Variants in SSX2IP observed in about 807,000 individuals in gnomAD.
SSX2IP encodes SSX family member 2 interacting protein, also known as afadin- and alpha-actinin-binding protein.
SSX2IP carries 55 observed loss-of-function variants against 84.9 expected under a neutral mutation model. The ratio of observed to expected loss-of-function variants is 0.65; its 90% confidence interval spans 0.52 to 0.81. The LOEUF is 0.81. Ranked by LOEUF, SSX2IP falls within the 30% of genes least tolerant of loss-of-function variation. SSX2IP has a pLI of 0.00. For missense variants in SSX2IP, 664 were observed against 705.2 expected (o/e 0.94, Z 0.66); for synonymous variants, 239 against 234.7 (o/e 1.02, Z -0.17).
chr1:84,671,612 T>C (rs567573259), intron 1 of SSX2IP, among the ~76,000 whole-genome samples: 1 of 152,316 alleles, frequency 6.6e-6, no homozygotes, highest in Non-Finnish European at 1.5e-5. Context: ...GTAATATTTC[T>C]ATATTATATC....
Position 84,669,813 on chromosome 1 carries a change from A to G in SSX2IP, c.294T>C (p.Ala98=), listed in dbSNP as rs1160294877. The change falls in exon 4 of 14, where the codon GCT becomes GCC. Residue 98 remains alanine (A), a synonymous_variant. Coordinates refer to ENST00000342203, the MANE Select transcript of SSX2IP (RefSeq NM_001166293.2). ...KETKRELNIV[A]VLNCMNELLV... ...GCAGCTCATTCATACAATTTAGTAC[A>G]GCTACTATATTTAACTCTCTCTTTG... 1 of 1,613,384 alleles carries G rather than the reference A, an allele frequency of 6.2e-7. No homozygotes were observed.
chr1:84,653,681 G>A (rs899939232), intron 11 of SSX2IP, among the ~76,000 whole-genome samples: 1 of 152,120 alleles, frequency 6.6e-6, no homozygotes, highest in Non-Finnish European at 1.5e-5. Flanking sequence ...GTGAACTGAG[G>A]AAATCCACGT....
At chr1:84,657,287 A>G (rs940481869) in intron 9 of SSX2IP, among the ~76,000 whole-genome samples, 1 of 152,160 alleles carries the variant, frequency 6.6e-6, no homozygotes, top group Non-Finnish European at 1.5e-5. Context: ...GGTAATATTC[A>G]ATTTTTAAAA....
rs1649389174 is a variant in SSX2IP, at chr1:84,645,714, A to G, written c.*1719T>C. 1 of 152,182 alleles carries G rather than the reference A, an allele frequency of 6.6e-6. No individual in the cohort carries two copies. The highest frequency in any genetic ancestry group is 1.5e-5 in the Non-Finnish European group (1 of 68,032). 9.4% of individuals were successfully genotyped at this position (152,182 alleles called of 1,614,324 possible). The stretch of plus-strand genomic sequence containing the variant: ...CCATGTTATTGCTAAATAGCAAAAC[A>G]AACAAAAACAAAAACAACAAAAATC... On this transcript the variant is annotated 3_prime_UTR_variant, in exon 14 of 14. Transcript: ENST00000342203.
intron 1 of SSX2IP, among the ~76,000 whole-genome samples, chr1:84,672,881 C>T (rs1653789887): frequency 6.6e-6 from 1 of 152,070 alleles, no homozygotes; most frequent in Non-Finnish European, 1.5e-5. Flanking sequence ...CAAAACTTAG[C>T]CGGCGTGGTG....
intron 1 of SSX2IP, among the ~76,000 whole-genome samples, chr1:84,682,280 A>C (rs147582577): frequency 4.3e-4 from 65 of 152,250 alleles, no homozygotes; most frequent in African/African-American, 1.5e-3. Flanking sequence ...GTACTGAGAG[A>C]GCGCTGGACT....
intron 8 of SSX2IP, among the ~76,000 whole-genome samples, chr1:84,659,796 C>A (rs1274559145): frequency 9.5e-4 from 122 of 128,588 alleles, no homozygotes; most frequent in African/African-American, 1.2e-3. Context: ...GACTCCATCT[C>A]AAAAAAAAAA....
At chr1:84,688,483 G>T (rs1291003658) in intron 1 of SSX2IP, among the ~76,000 whole-genome samples, 2 of 152,138 alleles carry the variant, frequency 1.3e-5, no homozygotes, top group African/African-American at 4.8e-5. Flanking sequence ...TTTGGGGGCG[G>T]TGTCTTTTCA....
In SSX2IP at chr1:84,658,627, G is replaced by GA. The variant is rs766371919; in HGVS notation, c.928-160dup. Reference sequence around the variant, plus strand: ...ATGGCCCAGTATTTAAATGTCTTGAGAAAAAAAATGAGACTCCTAAATTCA... The same window carrying GA: ...ATGGCCCAGTATTTAAATGTCTTGAGAAAAAAAAATGAGACTCCTAAATTCA... On this transcript the variant is annotated intron_variant, in intron 8 of 13. Transcript: ENST00000342203. Among the ~76,000 whole-genome samples the GA allele has an allele frequency of 1.1e-4, 16 of 151,912 alleles. No individual in the cohort carries two copies. In the East Asian group the frequency reaches 1.4e-3, roughly 13 times the overall value.
intron 5 of SSX2IP, among the ~76,000 whole-genome samples, chr1:84,665,841 C>T (rs1311257966): frequency 6.6e-6 from 1 of 152,144 alleles, no homozygotes; most frequent in Non-Finnish European, 1.5e-5. Context: ...GAAAAAGTGA[C>T]AGTGAACATG....
At chr1:84,665,575 G>T (rs546532474) in intron 5 of SSX2IP, among the ~76,000 whole-genome samples, 1 of 152,200 alleles carries the variant, frequency 6.6e-6, no homozygotes, top group Admixed American at 6.5e-5. Context: ...TAGTGCTATA[G>T]GTCCAAGTAA....
At chr1:84,660,994 G>A (rs1166796368) in intron 8 of SSX2IP, among the ~76,000 whole-genome samples, 2 of 150,422 alleles carry the variant, frequency 1.3e-5, no homozygotes, top group African/African-American at 4.9e-5. Context: ...TTGAACTCGG[G>A]AGGCAGAGGT....
chr1:84,676,482 G>C (rs1654348505), intron 1 of SSX2IP, among the ~76,000 whole-genome samples: 1 of 152,136 alleles, frequency 6.6e-6, no homozygotes, highest in Non-Finnish European at 1.5e-5. Flanking sequence ...GGGTTGCAAA[G>C]TACCAATGCC....
At chr1:84,671,610 T>A (rs1653592562) in intron 1 of SSX2IP, among the ~76,000 whole-genome samples, 1 of 152,198 alleles carries the variant, frequency 6.6e-6, no homozygotes, top group African/African-American at 2.4e-5. Context: ...AAGTAATATT[T>A]CTATATTATA....
At chr1:84,672,153 A>G (rs1653667780) in intron 1 of SSX2IP, among the ~76,000 whole-genome samples, 1 of 152,170 alleles carries the variant, frequency 6.6e-6, no homozygotes, top group Non-Finnish European at 1.5e-5. Flanking sequence ...ATATTTCTCC[A>G]TCATAAGAAA....
chr1:84,650,289 G>A (rs1439362234), intron 13 of SSX2IP, 73 bp downstream of exon 13: 15 of 1,452,068 alleles, frequency 1.0e-5, no homozygotes, highest in East Asian at 2.3e-5. Context: ...CTACAGACAT[G>A]CCACCTTTCC....
Position 84,690,438 on chromosome 1 carries a change from G to T in SSX2IP, c.-157C>A, listed in dbSNP as rs1656470775. 1 of 151,604 alleles carries T rather than the reference G, an allele frequency of 6.6e-6. No individual in the cohort carries two copies. 9.4% of individuals were successfully genotyped at this position (151,604 alleles called of 1,614,324 possible). On this transcript the variant is annotated 5_prime_UTR_variant, in exon 1 of 14. Transcript: ENST00000342203. ...CCTAGCCCGGCTCCCGCAGCCCGAG[G>T]GCCAGCAGCGCCTCGCAGCGCCTCC...
Position 84,666,112 on chromosome 1 carries a change from G to GAC in SSX2IP, c.537+8_537+9dup. The GAC allele has an allele frequency of 6.3e-7, 1 of 1,597,566 alleles. No individual in the cohort carries two copies. Among genetic ancestry groups the GAC allele is most frequent in the Non-Finnish European group, 8.6e-7 (1 of 1,168,580 alleles). On this transcript the variant is annotated intron_variant, in intron 5 of 13. Transcript: ENST00000342203. ...CACTTAAACTTCATCTGCAATAACTGACAACTCACCTCATCTTTCTCATTC... is the reference window on the plus strand; with the variant it reads ...CACTTAAACTTCATCTGCAATAACTGACACAACTCACCTCATCTTTCTCATTC...
At chr1:84,658,283 A>G in intron 9 of SSX2IP, 35 bp downstream of exon 9, 1 of 1,611,432 alleles carries the variant, frequency 6.2e-7, no homozygotes, top group Non-Finnish European at 8.5e-7. Flanking sequence ...ACCAAATGTC[A>G]CAACTCACTT....
Sources: allele counts gnomAD v4.1 joint callset (sites outside exome capture counted in the v4.1 genomes callset), GRCh38; gene constraint gnomAD v4.1.1; transcripts MANE v1.5; gene names NCBI Gene and HGNC (gene_info 2026-07-23, HGNC 2026-07-21).